The following FAM227B variants were observed in gnomAD, a reference collection of about 807,000 sequenced individuals.
The protein encoded by FAM227B is family with sequence similarity 227 member B, also known as protein FAM227B.
FAM227B carries 88 observed loss-of-function variants against 73.8 expected under a neutral mutation model. The observed-to-expected ratio is 1.19, with a 90% CI of 1.00 to 1.42. The LOEUF is 1.42. Among genes scored for constraint, FAM227B ranks in the 40% most tolerant of loss-of-function variants. The pLI is 0.00. For missense variants in FAM227B, 632 were observed against 590.9 expected (o/e 1.07, Z -0.72); for synonymous variants, 210 against 190.5 (o/e 1.10, Z -0.84).
At chr15:49,425,586 G>A (rs542185078) in intron 11 of FAM227B, 1 of 151,848 alleles carries the variant, frequency 6.6e-6, no homozygotes, top group South Asian at 2.1e-4. Flanking sequence ...TGGGGAGACT[G>A]GTGTAAACAT....
intron 11 of FAM227B, among the ~76,000 whole-genome samples, chr15:49,469,275 T>C (rs1182900569): frequency 1.3e-5 from 2 of 152,182 alleles, no homozygotes; most frequent in Non-Finnish European, 2.9e-5. Context: ...TGGTTAGAGA[T>C]AATTATACCA....
At chr15:49,333,562 C>G (rs151238896) in intron 14 of FAM227B, among the ~76,000 whole-genome samples, 296 of 152,206 alleles carry the variant, frequency 1.9e-3, no homozygotes, top group Non-Finnish European at 1.7e-3. Context: ...AAGCAGAAAG[C>G]TGGGTGATAA....
chr15:49,474,058 CT>C (rs1473520258), intron 11 of FAM227B, among the ~76,000 whole-genome samples: 1 of 151,954 alleles, frequency 6.6e-6, no homozygotes, highest in Admixed American at 6.6e-5. Context: ...GATAGGCGAA[CT>C]TTTTATTATA....
chr15:49,466,978 C>T (rs1468765330), intron 11 of FAM227B, among the ~76,000 whole-genome samples: 1 of 152,054 alleles, frequency 6.6e-6, no homozygotes, highest in South Asian at 2.1e-4. Flanking sequence ...GACTTTAAAT[C>T]GTGCTTTAAT....
chr15:49,416,274 C>T (rs927468276), intron 11 of FAM227B, among the ~76,000 whole-genome samples: 5 of 151,162 alleles, frequency 3.3e-5, no homozygotes, highest in South Asian at 2.1e-4. Flanking sequence ...CATCTGGCAC[C>T]GAGTATCTAT....
chr15:49,522,311 A>T (rs951257363), intron 10 of FAM227B, among the ~76,000 whole-genome samples: 3 of 152,224 alleles, frequency 2.0e-5, no homozygotes, highest in Non-Finnish European at 2.9e-5. Flanking sequence ...CATCTAAATG[A>T]TAGCAAATTT....
intron 1 of FAM227B, among the ~76,000 whole-genome samples, chr15:49,615,571 C>T (rs539039521): frequency 2.1e-4 from 32 of 152,250 alleles, no homozygotes; most frequent in South Asian, 8.3e-4. Context: ...CCATGTAGGA[C>T]GCATCTGCTT....
At chr15:49,561,718 T>C (rs1205979151) in intron 9 of FAM227B, among the ~76,000 whole-genome samples, 1 of 152,034 alleles carries the variant, frequency 6.6e-6, no homozygotes, top group Admixed American at 6.6e-5. Flanking sequence ...GAAAATCACA[T>C]GAAAATTACA....
At chr15:49,513,249 C>A (rs1361431474) in intron 10 of FAM227B, among the ~76,000 whole-genome samples, 1 of 152,172 alleles carries the variant, frequency 6.6e-6, no homozygotes, top group African/African-American at 2.4e-5. Flanking sequence ...TATTTCTCCA[C>A]AGCCTCACCA....
At chr15:49,566,315 A>AT (rs1344436289) in intron 9 of FAM227B, among the ~76,000 whole-genome samples, 3 of 152,230 alleles carry the variant, frequency 2.0e-5, no homozygotes, top group Admixed American at 6.5e-5. Flanking sequence ...TGGTACACAA[A>AT]TTATACCAAT....
intron 11 of FAM227B, among the ~76,000 whole-genome samples, chr15:49,489,835 TA>T (rs2056812735): frequency 2.9e-5 from 1 of 34,656 alleles, no homozygotes; most frequent in Non-Finnish European, 4.8e-5. Flanking sequence ...TATATATATA[TA>T]TATTTTATAT....
intron 11 of FAM227B, among the ~76,000 whole-genome samples, chr15:49,441,414 A>G (rs2051631466): frequency 6.6e-6 from 1 of 151,790 alleles, no homozygotes; most frequent in Non-Finnish European, 1.5e-5. Flanking sequence ...CACAAGATGA[A>G]GTAAAATAAA....
intron 11 of FAM227B, among the ~76,000 whole-genome samples, chr15:49,383,160 A>G (rs548358597): frequency 2.0e-5 from 3 of 152,274 alleles, no homozygotes; most frequent in South Asian, 2.1e-4. Flanking sequence ...TATAAACTAG[A>G]AAAAATATAT....
intron 11 of FAM227B, among the ~76,000 whole-genome samples, chr15:49,404,373 C>T (rs192448146): frequency 7.1e-4 from 108 of 152,246 alleles, no homozygotes; most frequent in Admixed American, 3.4e-3. Context: ...TAAAGTCCCC[C>T]ACTATTACTG....
chr15:49,591,301 AC>A (rs1238412166), intron 3 of FAM227B, among the ~76,000 whole-genome samples: 2 of 148,942 alleles, frequency 1.3e-5, no homozygotes, highest in African/African-American at 4.9e-5. Flanking sequence ...CAATCACCTG[AC>A]CCCGTAATCC....
At chr15:49,417,458 A>G (rs1323288303) in intron 11 of FAM227B, among the ~76,000 whole-genome samples, 1 of 152,142 alleles carries the variant, frequency 6.6e-6, no homozygotes, top group Admixed American at 6.6e-5. Flanking sequence ...ACAGTATGGT[A>G]CTGGTACAGA....
chr15:49,395,713 TATG>T (rs2047533737), intron 11 of FAM227B, among the ~76,000 whole-genome samples: 1 of 152,232 alleles, frequency 6.6e-6, no homozygotes, highest in Non-Finnish European at 1.5e-5. Flanking sequence ...CTGAAGTCTC[TATG>T]ATGTCTTTTA....
chr15:49,585,456 T>C (rs1319418556), intron 5 of FAM227B, among the ~76,000 whole-genome samples: 2 of 152,102 alleles, frequency 1.3e-5, no homozygotes, highest in African/African-American at 2.4e-5. Flanking sequence ...TGTCCAACAA[T>C]GATAGACTGG....
chr15:49,371,231 G>C, intron 12 of FAM227B, 71 bp downstream of exon 12: 1 of 877,278 alleles, frequency 1.1e-6, no homozygotes, highest in Non-Finnish European at 1.9e-6. Context: ...CCTATGTACA[G>C]CACAGTCAAT....
Sources: gnomAD v4.1 joint callset for allele counts (sites outside exome capture counted in the v4.1 genomes callset) on GRCh38, gnomAD v4.1.1 for gene constraint, MANE v1.5 for transcripts, NCBI Gene and HGNC (gene_info 2026-07-23, HGNC 2026-07-21) for gene names.